The following BARX2 variants were observed in gnomAD, a reference collection of about 807,000 sequenced individuals.
The protein encoded by BARX2 is BARX homeobox 2, also known as homeobox protein BarH-like 2.
A neutral mutation model predicts 25.5 loss-of-function variants in BARX2; 11 were observed. That is an observed-to-expected ratio of 0.43 (90% confidence interval 0.27 to 0.71). BARX2 has a LOEUF of 0.71. BARX2 is among the 30% of genes least tolerant of loss of function. The pLI, the probability that BARX2 is intolerant of heterozygous loss-of-function variation, is 0.19. For missense variants in BARX2, 360 were observed against 359.9 expected (o/e 1.00, Z 0.00); for synonymous variants, 137 against 149.5 (o/e 0.92, Z 0.61).
intron 1 of BARX2, among the ~76,000 whole-genome samples, chr11:129,392,374 T>C (rs1420663312): frequency 6.6e-6 from 1 of 152,010 alleles, no homozygotes; most frequent in Non-Finnish European, 1.5e-5. Flanking sequence ...TGGAGAGGAG[T>C]GTGCACAAGT....
Position 129,436,614 on chromosome 11 carries a change from C to G in BARX2, c.188-137C>G. On this transcript the variant is annotated intron_variant, in intron 1 of 3. Coordinates refer to ENST00000281437, the MANE Select transcript of BARX2 (RefSeq NM_003658.5). The surrounding 1 kb of genome is among the most constrained non-coding windows in gnomAD (Gnocchi z 4.5). ...TGTAGGTCTTGAGTTACCTCTCCTT[C>G]CCCTTCCTCCATCTGTACCTCCTTA... 1.0e-6 allele frequency: 1 copy of G among 952,580 alleles called. No homozygotes were observed. The highest frequency in any genetic ancestry group is 1.5e-6 in the Non-Finnish European group (1 of 646,192). 59.0% of individuals were successfully genotyped at this position (952,580 alleles called of 1,614,324 possible).
At chr11:129,386,257 C>T (rs147048058) in intron 1 of BARX2, among the ~76,000 whole-genome samples, 21 of 152,238 alleles carry the variant, frequency 1.4e-4, no homozygotes, top group African/African-American at 5.1e-4. Context: ...TTATAAACTG[C>T]CTCTGATTGC....
At position 129,451,586 on chromosome 11, in the gene BARX2, G is replaced by T; in HGVS notation, c.*184G>T. 2.7e-6 allele frequency: 2 copies of T among 730,458 alleles called. No individual in the cohort carries two copies. Among genetic ancestry groups the T allele is most frequent in the South Asian group, 2.0e-5 (1 of 49,106 alleles). 45.2% of individuals were successfully genotyped at this position (730,458 alleles called of 1,614,324 possible). The stretch of plus-strand genomic sequence containing the variant: ...GCAAGCATTTGACAAAGACTTGCTT[G>T]TCTTGGGCCTGTCACCTCCTGAAAG... On this transcript the variant is annotated 3_prime_UTR_variant, in exon 4 of 4. Coordinates refer to ENST00000281437, the MANE Select transcript of BARX2 (RefSeq NM_003658.5).
intron 3 of BARX2, among the ~76,000 whole-genome samples, chr11:129,443,198 A>G (rs570131017): frequency 6.6e-6 from 1 of 152,252 alleles, no homozygotes; most frequent in African/African-American, 2.4e-5. Context: ...ATTATACTTA[A>G]GTTCTAGGGT....
intron 1 of BARX2, among the ~76,000 whole-genome samples, chr11:129,411,371 C>CAGAAAAAAAA (rs1812056494): frequency 1.9e-5 from 1 of 53,870 alleles, no homozygotes. Context: ...ACTCCATCTC[C>CAGAAAAAAAA]AAAAAAAAAA....
intron 1 of BARX2, among the ~76,000 whole-genome samples, chr11:129,432,830 T>C (rs946348971): frequency 2.0e-5 from 3 of 152,174 alleles, no homozygotes; most frequent in African/African-American, 7.2e-5. Flanking sequence ...AAGTATCATC[T>C]AGATTTGGGG....
intron 1 of BARX2, among the ~76,000 whole-genome samples, chr11:129,394,593 G>T (rs1051215188): frequency 6.6e-6 from 1 of 151,794 alleles, no homozygotes; most frequent in Non-Finnish European, 1.5e-5. Flanking sequence ...GGCATTTATT[G>T]TAAAACCACT....
chr11:129,430,009 T>G (rs1862111650), intron 1 of BARX2, among the ~76,000 whole-genome samples: 3 of 151,980 alleles, frequency 2.0e-5, no homozygotes, highest in South Asian at 2.1e-4. Context: ...TCCCCCACCA[T>G]TCCCTGCCCC....
At chr11:129,430,447 G>T (rs976953149) in intron 1 of BARX2, among the ~76,000 whole-genome samples, 13 of 152,116 alleles carry the variant, frequency 8.5e-5, no homozygotes, top group African/African-American at 2.7e-4. Flanking sequence ...GCAGTGAGGG[G>T]AGTCTTCTAC....
chr11:129,435,926 C>T (rs1174164373), intron 1 of BARX2, among the ~76,000 whole-genome samples: 1 of 152,230 alleles, frequency 6.6e-6, no homozygotes, highest in Non-Finnish European at 1.5e-5. Context: ...GCCACATGCC[C>T]ATAGCAGACA....
At chr11:129,389,419 T>C (rs1047107502) in intron 1 of BARX2, among the ~76,000 whole-genome samples, 1 of 152,222 alleles carries the variant, frequency 6.6e-6, no homozygotes, top group South Asian at 2.1e-4. Context: ...TTGTTTGAGT[T>C]CAAGTCTTCA....
At chr11:129,391,989 T>C (rs190790670) in intron 1 of BARX2, among the ~76,000 whole-genome samples, 217 of 152,246 alleles carry the variant, frequency 1.4e-3, no homozygotes, top group Admixed American at 2.2e-3. Flanking sequence ...GTAATAAAAG[T>C]TACACAATCA....
chr11:129,423,562 C>G (rs1862031462), intron 1 of BARX2, among the ~76,000 whole-genome samples: 1 of 152,204 alleles, frequency 6.6e-6, no homozygotes, highest in Admixed American at 6.5e-5. Flanking sequence ...ATCTCCCCAG[C>G]ATGCCTGGTG....
chr11:129,417,961 C>T (rs1171706475), intron 1 of BARX2, among the ~76,000 whole-genome samples: 1 of 152,152 alleles, frequency 6.6e-6, no homozygotes, highest in Non-Finnish European at 1.5e-5. Context: ...AAATTCTGTG[C>T]TTTGAAATAA....
intron 1 of BARX2, among the ~76,000 whole-genome samples, chr11:129,395,216 T>C (rs1308628261): frequency 6.6e-6 from 1 of 152,228 alleles, no homozygotes; most frequent in African/African-American, 2.4e-5. Context: ...TAAAATGCTT[T>C]TCTCTACCCT....
chr11:129,386,363 T>A (rs1251327367), intron 1 of BARX2, among the ~76,000 whole-genome samples: 2 of 152,224 alleles, frequency 1.3e-5, no homozygotes, highest in Non-Finnish European at 2.9e-5. Flanking sequence ...TTACAGAAAT[T>A]ATCTAAGGAC....
At chr11:129,448,123 C>T (rs2135418023) in intron 3 of BARX2, among the ~76,000 whole-genome samples, 1 of 152,282 alleles carries the variant, frequency 6.6e-6, no homozygotes, top group African/African-American at 2.4e-5. Context: ...TCTTGGTTTT[C>T]TTACTTCATA....
chr11:129,396,554 A>G (rs1205292909), intron 1 of BARX2, among the ~76,000 whole-genome samples: 1 of 152,068 alleles, frequency 6.6e-6, no homozygotes, highest in Non-Finnish European at 1.5e-5. Flanking sequence ...CTCTAAGTTC[A>G]TATTGTCTGT....
intron 1 of BARX2, among the ~76,000 whole-genome samples, chr11:129,381,360 G>T (rs1485004025): frequency 6.6e-6 from 1 of 152,144 alleles, no homozygotes; most frequent in East Asian, 1.9e-4. Context: ...TAGAACCATT[G>T]CTAAGCCCTT....
Sources: gnomAD v4.1 joint callset for allele counts (sites outside exome capture counted in the v4.1 genomes callset) on GRCh38, gnomAD v4.1.1 for gene constraint, Gnocchi (gnomAD v3.1) non-coding constraint, MANE v1.5 for transcripts, NCBI Gene and HGNC (gene_info 2026-07-23, HGNC 2026-07-21) for gene names.